ITGA11: variants seen among roughly 807,000 people sequenced by gnomAD.
The protein encoded by ITGA11 is integrin subunit alpha 11.
In ITGA11, 97 loss-of-function variants were observed where a neutral mutation model predicts 141.9. That is an observed-to-expected ratio of 0.68 (90% CI 0.58 to 0.81). ITGA11 has a LOEUF of 0.81. Ranked by LOEUF, ITGA11 falls within the 30% of genes least tolerant of loss-of-function variation. ITGA11 has a pLI of 0.00. For missense variants in ITGA11, 1,387 were observed against 1,559.2 expected (o/e 0.89, Z 1.86); for synonymous variants, 658 against 624.6 (o/e 1.05, Z -0.80).
At chr15:68,387,977 A>T (rs1186664158) in intron 2 of ITGA11, among the ~76,000 whole-genome samples, 1 of 152,024 alleles carries the variant, frequency 6.6e-6, no homozygotes, top group African/African-American at 2.4e-5. Flanking sequence ...CCTGATGCAC[A>T]TGTGGGTCTC....
intron 1 of ITGA11, among the ~76,000 whole-genome samples, chr15:68,416,168 G>C (rs1480909963): frequency 6.6e-6 from 1 of 152,194 alleles, no homozygotes; most frequent in African/African-American, 2.4e-5. Flanking sequence ...ACTAATGCTT[G>C]TTAACAAGTG....
intron 10 of ITGA11, among the ~76,000 whole-genome samples, chr15:68,346,996 C>T (rs542778420): frequency 2.0e-5 from 3 of 152,328 alleles, no homozygotes; most frequent in South Asian, 2.1e-4. Flanking sequence ...TAAGAACTGC[C>T]GTTCAGGATT....
At chr15:68,424,746 G>A (rs1243070117) in intron 1 of ITGA11, among the ~76,000 whole-genome samples, 3 of 152,304 alleles carry the variant, frequency 2.0e-5, no homozygotes, top group South Asian at 2.1e-4. Context: ...TGGGGCTGCC[G>A]AAAGGCCAGG....
chr15:68,362,756 G>T (rs1364373461), intron 4 of ITGA11, among the ~76,000 whole-genome samples: 3 of 152,124 alleles, frequency 2.0e-5, no homozygotes, highest in Non-Finnish European at 4.4e-5. Flanking sequence ...ATGGATAGTG[G>T]ACAGATGATG....
intron 2 of ITGA11, among the ~76,000 whole-genome samples, chr15:68,399,845 A>G (rs541308602): frequency 4.5e-4 from 69 of 152,168 alleles, no homozygotes; most frequent in African/African-American, 1.7e-3. Flanking sequence ...AAAACTACCT[A>G]TTGGGTAGCT....
At chr15:68,423,665 GT>G (rs1362098582) in intron 1 of ITGA11, among the ~76,000 whole-genome samples, 2 of 152,172 alleles carry the variant, frequency 1.3e-5, no homozygotes. Flanking sequence ...AACTCTGTTT[GT>G]TTTTGAGCCT....
intron 23 of ITGA11, 32 bp from the exon 24 acceptor site, chr15:68,312,895 C>T (rs1356705203): frequency 2.0e-6 from 3 of 1,504,180 alleles, no homozygotes; most frequent in Non-Finnish European, 2.8e-6. Flanking sequence ...CTGTCGTGAG[C>T]TCAGTCAGGG....
At chr15:68,428,587 G>T (rs942274861) in intron 1 of ITGA11, among the ~76,000 whole-genome samples, 34 of 152,208 alleles carry the variant, frequency 2.2e-4, no homozygotes, top group Non-Finnish European at 5.9e-5. Context: ...GAGGGGCTTG[G>T]CTGTCAAAGT....
intron 2 of ITGA11, among the ~76,000 whole-genome samples, chr15:68,391,165 C>T (rs758305449): frequency 2.0e-5 from 3 of 152,058 alleles, no homozygotes; most frequent in Non-Finnish European, 4.4e-5. Flanking sequence ...TCTAGAAAGG[C>T]CCAGTGTGCT....
At chr15:68,418,587 A>C (rs957905082) in intron 1 of ITGA11, among the ~76,000 whole-genome samples, 1 of 48,562 alleles carries the variant, frequency 2.1e-5, no homozygotes, top group African/African-American at 8.2e-5. Context: ...CCCCTTCCTG[A>C]GGTCACTTTA....
chr15:68,404,790 T>C (rs1337383920), intron 1 of ITGA11, among the ~76,000 whole-genome samples: 1 of 152,208 alleles, frequency 6.6e-6, no homozygotes, highest in Non-Finnish European at 1.5e-5. Flanking sequence ...AGGGGTGGGA[T>C]CTTGCCACGA....
intron 3 of ITGA11, chr15:68,365,586 G>A (rs1290628329): frequency 1.3e-5 from 2 of 152,348 alleles, no homozygotes; most frequent in Admixed American, 1.3e-4. Flanking sequence ...ACGTGTACAG[G>A]AAGAGGGAGT....
chr15:68,423,167 A>G (rs756566984), intron 1 of ITGA11, among the ~76,000 whole-genome samples: 102 of 152,218 alleles, frequency 6.7e-4, no homozygotes, highest in Non-Finnish European at 1.4e-3. Flanking sequence ...ACCCGGGGAT[A>G]CAGTGGCTAA....
In ITGA11 at chr15:68,421,109, T is replaced by C. The variant is rs527917924; in HGVS notation, c.52+10906A>G. Among the ~76,000 whole-genome samples the C allele has an allele frequency of 9.6e-5, 2 of 20,918 alleles. 1 individual carries two copies. The highest frequency in any genetic ancestry group is 1.1e-3 in the African/African-American group (2 of 1,750). 13.7% of individuals were successfully genotyped at this position (20,918 alleles called of 152,430 possible). On this transcript the variant is annotated intron_variant, in intron 1 of 29. Transcript: ENST00000315757. ...GGAAACCGAAAGCCAACTAAGGCAT[T>C]TGGATTTAGCAGATGGGAGCCATGG... is the stretch of plus-strand genomic sequence containing the variant.
intron 12 of ITGA11, among the ~76,000 whole-genome samples, chr15:68,332,865 T>G (rs905573800): frequency 8.0e-6 from 1 of 124,616 alleles, no homozygotes; most frequent in South Asian, 2.4e-4. Context: ...TTATTCTAGT[T>G]TTTTTCCCCT....
At chr15:68,428,428 G>C (rs993914617) in intron 1 of ITGA11, among the ~76,000 whole-genome samples, 1 of 152,156 alleles carries the variant, frequency 6.6e-6, no homozygotes, top group Non-Finnish European at 1.5e-5. Flanking sequence ...GCTGGGAATG[G>C]TGGGAAGAGC....
At chr15:68,327,194 G>A (rs73429869) in intron 16 of ITGA11, among the ~76,000 whole-genome samples, 11,380 of 152,156 alleles carry the variant, frequency 0.075, 903 homozygotes, top group African/African-American at 0.2. Context: ...GCTGGTCAGA[G>A]CCTTTGCTGG....
At chr15:68,365,702 T>TC (rs1229851535) in intron 3 of ITGA11, among the ~76,000 whole-genome samples, 1 of 92,554 alleles carries the variant, frequency 1.1e-5, no homozygotes, top group Non-Finnish European at 2.7e-5. Context: ...TTTTCTCTTT[T>TC]CTTTTTTTTT....
intron 4 of ITGA11, among the ~76,000 whole-genome samples, chr15:68,364,307 T>A (rs1160129333): frequency 6.6e-6 from 1 of 152,212 alleles, no homozygotes; most frequent in Non-Finnish European, 1.5e-5. Context: ...CTGCTTCTTT[T>A]TTCAAGCCTA....
Sources: gnomAD v4.1 joint callset for allele counts (sites outside exome capture counted in the v4.1 genomes callset) on GRCh38, gnomAD v4.1.1 for gene constraint, MANE v1.5 for transcripts, NCBI Gene and HGNC (gene_info 2026-07-23, HGNC 2026-07-21) for gene names.